FAM107A: variants seen among roughly 807,000 people sequenced by gnomAD.
FAM107A encodes family with sequence similarity 107 member A.
FAM107A carries 19 observed loss-of-function variants against 13.7 expected under a neutral mutation model. The ratio of observed to expected loss-of-function variants is 1.38; its 90% confidence interval spans 0.97 to 2.03. FAM107A has a LOEUF of 2.03. FAM107A is among the 30% of genes most tolerant of loss of function. FAM107A has a pLI of 0.00. For synonymous variants in FAM107A, 82 were observed against 74.5 expected (o/e 1.10, Z -0.52); for missense variants, 203 against 184.4 (o/e 1.10, Z -0.58).
chr3:58,568,491 A>T (rs1321454014), intron 2 of FAM107A, among the ~76,000 whole-genome samples: 3 of 152,122 alleles, frequency 2.0e-5, no homozygotes, highest in African/African-American at 7.2e-5. Flanking sequence ...TTTTTTGTAT[A>T]TGTGAGTTTT....
chr3:58,610,248 T>C (rs1347202329), intron 1 of FAM107A, among the ~76,000 whole-genome samples: 3 of 152,128 alleles, frequency 2.0e-5, no homozygotes, highest in South Asian at 2.1e-4. Flanking sequence ...TTGCCTTTCA[T>C]AGATGAGGAA....
chr3:58,591,830 C>T (rs2065656905), upstream of FAM107A, among the ~76,000 whole-genome samples: 1 of 152,190 alleles, frequency 6.6e-6, no homozygotes, highest in Non-Finnish European at 1.5e-5. This position sits in a 1 kb window ranked among gnomAD's most constrained non-coding sequence, Gnocchi z 4.3. Context: ...CTCCCCAGGG[C>T]CCAGCCTGGA....
rs1299048436 is a variant in FAM107A, at chr3:58,613,886, A to G, written c.-70+13530T>C. Among the ~76,000 whole-genome samples the G allele has an allele frequency of 1.3e-5, 2 of 152,228 alleles. No homozygotes were observed. Among genetic ancestry groups the G allele is most frequent in the Non-Finnish European group, 2.9e-5 (2 of 68,024 alleles). On this transcript the variant is annotated intron_variant, in intron 1 of 3. Transcript: ENST00000465970. The surrounding 1 kb of genome is among the most constrained non-coding windows in gnomAD (Gnocchi z 4.6). ...TCTATACGTTACATCTGCCTCAGACAGCCTTCTGGCTCTGGCTCCTGCAGG... is the reference window on the plus strand; with the variant it reads ...TCTATACGTTACATCTGCCTCAGACGGCCTTCTGGCTCTGGCTCCTGCAGG...
rs2108083179 is a variant in FAM107A, at chr3:58,617,150, G to A, written c.-70+10266C>T. 6.6e-6 allele frequency among the ~76,000 whole-genome samples: 1 copy of A among 152,292 alleles called. No individual in the cohort carries two copies. The highest frequency in any genetic ancestry group is 1.5e-5 in the Non-Finnish European group (1 of 68,020). ...TCACTTCACAGTGCCTGCTTGTGAT[G>A]GCAGAGTCAGCATGGGACCTTCACA... is the stretch of plus-strand genomic sequence containing the variant. On this transcript the variant is annotated intron_variant, in intron 1 of 3. Coordinates refer to the FAM107A transcript ENST00000465970. This position sits in a 1 kb window ranked among gnomAD's most constrained non-coding sequence, Gnocchi z 4.5.
At chr3:58,620,253 G>A (rs1437945495) in intron 1 of FAM107A, among the ~76,000 whole-genome samples, 2 of 152,278 alleles carry the variant, frequency 1.3e-5, no homozygotes, top group East Asian at 3.9e-4. Flanking sequence ...GCCCTAGTCC[G>A]GGGAAGTGGG....
intron 1 of FAM107A, among the ~76,000 whole-genome samples, chr3:58,611,977 CT>C (rs1244862555): frequency 2.6e-5 from 4 of 150,972 alleles, no homozygotes; most frequent in African/African-American, 9.7e-5. Context: ...TTTTCTTCTT[CT>C]TTTTTTCATA....
chr3:58,586,817 C>A, intron 1 of FAM107A: 1 of 1,512,402 alleles, frequency 6.6e-7, no homozygotes, highest in Non-Finnish European at 8.8e-7. Flanking sequence ...GAGCCCTCCT[C>A]GCCCACTTCC....
At chr3:58,616,526 A>C (rs1301847549) in intron 1 of FAM107A, among the ~76,000 whole-genome samples, 1 of 137,776 alleles carries the variant, frequency 7.3e-6, no homozygotes, top group Admixed American at 7.3e-5. Context: ...ATAAGAGGAG[A>C]ACACACACAC....
intron 1 of FAM107A, among the ~76,000 whole-genome samples, chr3:58,620,141 G>A (rs1341888982): frequency 1.3e-5 from 2 of 152,102 alleles, no homozygotes; most frequent in East Asian, 3.8e-4. Flanking sequence ...AAAATCAAAC[G>A]GCCTCCCTTC....
At chr3:58,585,792 T>C (rs1355551087) in intron 1 of FAM107A, among the ~76,000 whole-genome samples, 1 of 152,222 alleles carries the variant, frequency 6.6e-6, no homozygotes, top group Admixed American at 6.5e-5. Context: ...CCCCAAATGC[T>C]TACCGGGGCT....
At chr3:58,580,031 G>A (rs1366217440), upstream of FAM107A, among the ~76,000 whole-genome samples, 5 of 152,174 alleles carry the variant, frequency 3.3e-5, no homozygotes, top group Admixed American at 3.3e-4. Flanking sequence ...CCATCTTGCT[G>A]TGTGTCCATG....
rs1430987611 is a variant in FAM107A at position 58,617,162 on chromosome 3, A to G, written c.-70+10254T>C. 6.6e-6 allele frequency among the ~76,000 whole-genome samples: 1 copy of G among 152,194 alleles called. No homozygotes were observed. The highest frequency in any genetic ancestry group is 1.5e-5 in the Non-Finnish European group (1 of 68,038). On this transcript the variant is annotated intron_variant, in intron 1 of 3. Transcript: ENST00000465970. The surrounding 1 kb of genome is among the most constrained non-coding windows in gnomAD (Gnocchi z 4.5). ...GCCTGCTTGTGATGGCAGAGTCAGC[A>G]TGGGACCTTCACAGACGCTGGCCGG...
chr3:58,582,243 G>A (rs565820627), upstream of FAM107A, among the ~76,000 whole-genome samples: 1 of 152,348 alleles, frequency 6.6e-6, no homozygotes, highest in South Asian at 2.1e-4. Flanking sequence ...ACTAAAATAT[G>A]ATTTGTTGTT....
intron 3 of FAM107A, chr3:58,566,983 G>T: frequency 1.6e-6 from 1 of 618,010 alleles, no homozygotes; most frequent in Non-Finnish European, 2.9e-6. Flanking sequence ...GAATCAGCAT[G>T]CAGTACACTG....
intron 1 of FAM107A, chr3:58,627,172 G>T (rs779300100): frequency 1.4e-5 from 9 of 641,520 alleles, no homozygotes; most frequent in Non-Finnish European, 2.5e-5. Flanking sequence ...TAAGCCCGGA[G>T]CGCCTCAGAC....
chr3:58,610,257 A>G lies in FAM107A; in HGVS notation c.-70+17159T>C, dbSNP rs1374844581. Among the ~76,000 whole-genome samples the G allele has an allele frequency of 2.6e-5, 4 of 152,176 alleles. No individual in the cohort carries two copies. The East Asian group carries it at 7.7e-4, about 29-fold the overall frequency. On this transcript the variant is annotated intron_variant, in intron 1 of 3. Transcript: ENST00000465970. Reference sequence around the variant, plus strand: ...TGGGGGTTGCCTTTCATAGATGAGGAAACTGAGGCTCAGAGATGGTAAGTA... The same window carrying G: ...TGGGGGTTGCCTTTCATAGATGAGGGAACTGAGGCTCAGAGATGGTAAGTA...
upstream of FAM107A, among the ~76,000 whole-genome samples, chr3:58,582,284 T>C (rs1337257580): frequency 6.6e-6 from 1 of 152,230 alleles, no homozygotes; most frequent in Non-Finnish European, 1.5e-5. Flanking sequence ...CTGAGTGCCC[T>C]GTATTTTATC....
At chr3:58,611,042 A>G (rs2065849241) in intron 1 of FAM107A, among the ~76,000 whole-genome samples, 1 of 152,180 alleles carries the variant, frequency 6.6e-6, no homozygotes, top group Non-Finnish European at 1.5e-5. Flanking sequence ...GGGTTTTATT[A>G]GGGACTTTTC....
At chr3:58,575,966 T>C (rs948993606) in intron 1 of FAM107A, among the ~76,000 whole-genome samples, 5 of 152,226 alleles carry the variant, frequency 3.3e-5, no homozygotes, top group Non-Finnish European at 7.3e-5. Flanking sequence ...TTTAATGGGA[T>C]GCCAGGGCAG....
Sources: gnomAD v4.1 joint callset for allele counts (sites outside exome capture counted in the v4.1 genomes callset) on GRCh38, gnomAD v4.1.1 for gene constraint, Gnocchi (gnomAD v3.1) non-coding constraint, MANE v1.5 for transcripts, NCBI Gene and HGNC (gene_info 2026-07-23, HGNC 2026-07-21) for gene names.